Variants in MYOF observed in about 807,000 individuals in gnomAD.
The protein encoded by MYOF is myoferlin.
A neutral mutation model predicts 284.2 loss-of-function variants in MYOF; 244 were observed. The ratio of observed to expected loss-of-function variants is 0.86; its 90% CI spans 0.77 to 0.95. MYOF has a LOEUF of 0.95. Ranked by LOEUF, MYOF falls within the 40% of genes least tolerant of loss-of-function variation. The pLI is 0.00. For synonymous variants in MYOF, 904 were observed against 919.7 expected (o/e 0.98, Z 0.31); for missense variants, 2,496 against 2,560.6 (o/e 0.97, Z 0.54).
intron 17 of MYOF, 130 bp downstream of exon 17, chr10:93,392,787 T>C (rs1846760494): frequency 1.2e-6 from 1 of 814,110 alleles, no homozygotes; most frequent in African/African-American, 1.7e-5. Context: ...ACACAAAAAT[T>C]ATTACTTTAG....
chr10:93,388,938 C>G, intron 18 of MYOF, 92 bp downstream of exon 18: 3 of 1,487,354 alleles, frequency 2.0e-6, no homozygotes, highest in Non-Finnish European at 2.7e-6. Context: ...GAGTATGAAA[C>G]TTCTATCCTG....
intron 27 of MYOF, among the ~76,000 whole-genome samples, chr10:93,363,071 G>C (rs918111845): frequency 2.0e-5 from 3 of 152,170 alleles, no homozygotes; most frequent in Admixed American, 2.0e-4. Flanking sequence ...ATGAATTATA[G>C]TAGGTACATA....
Position 93,376,546 on chromosome 10 carries a change from A to G in MYOF, c.2108+777T>C, listed in dbSNP as rs562428217. Among the ~76,000 whole-genome samples the G allele has an allele frequency of 5.3e-5, 8 of 152,292 alleles. No homozygotes were observed. In the South Asian group the frequency reaches 8.3e-4, roughly 16 times the overall value. On this transcript the variant is annotated intron_variant, in intron 22 of 53. Transcript: ENST00000359263. ...AGTACTTTGATTTTGGTTGCGTTTCAATTACCTGGCTTTACCACTAGGAGG... is the reference window on the plus strand; with the variant it reads ...AGTACTTTGATTTTGGTTGCGTTTCGATTACCTGGCTTTACCACTAGGAGG...
intron 1 of MYOF, among the ~76,000 whole-genome samples, chr10:93,479,513 G>A (rs1564749266): frequency 6.6e-6 from 1 of 152,188 alleles, no homozygotes; most frequent in African/African-American, 2.4e-5. Context: ...CTGAAAGCAA[G>A]AAGAGTGCTG....
At chr10:93,347,214 T>C (rs1019773905) in intron 37 of MYOF, among the ~76,000 whole-genome samples, 1 of 152,182 alleles carries the variant, frequency 6.6e-6, no homozygotes, top group Non-Finnish European at 1.5e-5. Flanking sequence ...ATCCAGGACT[T>C]ACCTTGAGTA....
At chr10:93,312,170 G>A (rs187173601) in intron 51 of MYOF, among the ~76,000 whole-genome samples, 9 of 152,310 alleles carry the variant, frequency 5.9e-5, no homozygotes, top group Admixed American at 4.6e-4. Flanking sequence ...GATCAAAAAT[G>A]TTAGCTATTT....
intron 3 of MYOF, among the ~76,000 whole-genome samples, chr10:93,434,708 A>T (rs2134232266): frequency 6.6e-6 from 1 of 152,338 alleles, no homozygotes; most frequent in South Asian, 2.1e-4. Context: ...AGGAAATTTT[A>T]AAAATAAAAC....
At chr10:93,360,106 G>T in intron 28 of MYOF, 128 bp from the exon 29 acceptor site, 2 of 1,161,092 alleles carry the variant, frequency 1.7e-6, no homozygotes, top group Middle Eastern at 2.0e-4. Flanking sequence ...CCGAATATGT[G>T]GCTGTTTTCA....
chr10:93,392,672 C>T (rs893019466), intron 17 of MYOF, among the ~76,000 whole-genome samples: 2 of 152,078 alleles, frequency 1.3e-5, no homozygotes, highest in Non-Finnish European at 2.9e-5. Context: ...TGCAATAAAG[C>T]CAAATACGAT....
intron 5 of MYOF, 99 bp downstream of exon 5, chr10:93,425,972 A>T: frequency 8.0e-7 from 1 of 1,256,730 alleles, no homozygotes; most frequent in Non-Finnish European, 1.1e-6. Flanking sequence ...AGGGAGCTAC[A>T]GGCTTGTGAT....
intron 5 of MYOF, among the ~76,000 whole-genome samples, chr10:93,423,596 G>A (rs1848447242): frequency 6.7e-6 from 1 of 149,704 alleles, no homozygotes; most frequent in South Asian, 2.1e-4. Flanking sequence ...CACTTTGGGA[G>A]GCCAAGGTGG....
intron 1 of MYOF, among the ~76,000 whole-genome samples, chr10:93,464,658 T>C (rs1474277922): frequency 2.6e-5 from 4 of 152,144 alleles, no homozygotes; most frequent in Non-Finnish European, 4.4e-5. Flanking sequence ...TCAGACGAGA[T>C]ATATAATCTC....
Position 93,359,832 on chromosome 10 carries a change from C to T in MYOF, c.3120+1G>A, listed in dbSNP as rs199817619. 165 of 1,614,010 alleles carry T rather than the reference C, an allele frequency of 1.0e-4. No individual in the cohort carries two copies. The highest frequency in any genetic ancestry group is 1.3e-4 in the Non-Finnish European group (155 of 1,180,020). Reference sequence around the variant, plus strand: ...CAGCTCCCTTCCCTTGCTTCTCTTACCCTTGCGGTGCTTGAAGCAGTCTGT... The same window carrying T: ...CAGCTCCCTTCCCTTGCTTCTCTTATCCTTGCGGTGCTTGAAGCAGTCTGT... On this transcript the variant is annotated splice_donor_variant, in intron 29 of 53. Transcript: ENST00000359263. LOFTEE classifies it high-confidence loss of function.
intron 48 of MYOF, among the ~76,000 whole-genome samples, chr10:93,321,870 G>C (rs1013579254): frequency 6.6e-6 from 1 of 152,026 alleles, no homozygotes; most frequent in South Asian, 2.1e-4. Context: ...ATTTATGCAC[G>C]ATTCATCTTT....
intron 7 of MYOF, among the ~76,000 whole-genome samples, chr10:93,408,148 C>T (rs767849855): frequency 3.3e-5 from 5 of 152,076 alleles, no homozygotes; most frequent in Non-Finnish European, 7.4e-5. Flanking sequence ...GTTGGGATTA[C>T]AGGTGTGTAC....
In MYOF at chr10:93,435,761, A is replaced by G. The variant is rs188702443; in HGVS notation, c.237-4245T>C. On this transcript the variant is annotated intron_variant, in intron 3 of 53. Transcript: ENST00000359263. ...GGATCACTTGAGTCCAAGGAGCTCC[A>G]GACCAGCCTTGGCACACACAAAAAA... Among the ~76,000 whole-genome samples, 208 of 152,210 alleles carry G rather than the reference A, an allele frequency of 1.4e-3. 1 individual carries two copies. The highest frequency in any genetic ancestry group is 2.0e-3 in the Non-Finnish European group (139 of 68,010).
chr10:93,426,199 G>T (rs1466879345), intron 4 of MYOF, 41 bp from the exon 5 acceptor site: 1 of 1,540,470 alleles, frequency 6.5e-7, no homozygotes. Flanking sequence ...TCAGTGCAGG[G>T]CACCAGCATG....
intron 17 of MYOF, among the ~76,000 whole-genome samples, chr10:93,389,728 G>A (rs1024902831): frequency 1.3e-5 from 2 of 152,126 alleles, no homozygotes; most frequent in Non-Finnish European, 2.9e-5. Flanking sequence ...TATCTCTGGT[G>A]GTCATCTGAT....
In MYOF at chr10:93,328,795, T is replaced by C. The variant is rs763970172; in HGVS notation, c.5099A>G (p.Tyr1700Cys). ...ILSEDGSRIRYGGRDYSLDEF... is the reference protein window; with the variant it reads ...ILSEDGSRIRCGGRDYSLDEF... ...ATCCAAGCTGTAGTCTCGTCCTCCA[T>C]ATCTGATTCTACTCCCATCTTCGGA... The change falls in exon 45 of 54, where the codon TAT becomes TGT. Residue 1700 changes from tyrosine to cysteine, a missense_variant. This residue lies in a region of MYOF where 2,436 missense variants were observed against 2,480.7 expected (regional missense o/e 0.98). Transcript: ENST00000359263. 1.5e-5 allele frequency: 25 copies of C among 1,613,476 alleles called. No homozygotes were observed. The Admixed American group carries it at 2.8e-4, about 18-fold the overall frequency.
Sources: allele counts gnomAD v4.1 joint callset (sites outside exome capture counted in the v4.1 genomes callset), GRCh38; gene constraint gnomAD v4.1.1; regional missense constraint gnomAD v4.1.1; transcripts MANE v1.5; gene names NCBI Gene and HGNC (gene_info 2026-07-23, HGNC 2026-07-21).